The following CELF2 variants were observed in gnomAD, a reference collection of about 807,000 sequenced individuals.
CELF2 encodes the protein CUGBP Elav-like family member 2.
A neutral mutation model predicts 62.6 loss-of-function variants in CELF2; 8 were observed. The observed-to-expected ratio is 0.13, with a 90% CI of 0.07 to 0.23. The LOEUF is 0.23. Among genes scored for constraint, CELF2 ranks in the 10% least tolerant of loss-of-function variants. The pLI is 1.00. For missense variants in CELF2, 333 were observed against 671.0 expected, an observed-to-expected ratio of 0.50 and a Z score of 5.56; for synonymous variants, 258 against 250.0, an observed-to-expected ratio of 1.03 and a Z score of -0.30.
chr10:10,841,109 G>C (rs1050110496), intron 1 of CELF2, among the ~76,000 whole-genome samples: 1 of 152,068 alleles, frequency 6.6e-6, no homozygotes. Flanking sequence ...ATTTGGGTTG[G>C]TTCCAAGTCT....
At chr10:11,070,995 ATTT>A (rs1564612771) in intron 1 of CELF2, among the ~76,000 whole-genome samples, 1 of 152,208 alleles carries the variant, frequency 6.6e-6, no homozygotes, top group African/African-American at 2.4e-5. Flanking sequence ...ATAGATGACT[ATTT>A]TGAGAAATTT....
rs533000746 is a variant in CELF2 at position 11,008,393 on chromosome 10, T to C, written c.53+2953T>C. 1.3e-5 allele frequency among the ~76,000 whole-genome samples: 2 copies of C among 152,352 alleles called. No individual in the cohort carries two copies. Among genetic ancestry groups the C allele is most frequent in the Non-Finnish European group, 1.5e-5 (1 of 68,030 alleles). ...CCCTGTGTATGAATATTCCTTGATT[T>C]GTTAAAATGAAACCAGACAGTTTTG... On this transcript the variant is annotated intron_variant, in intron 1 of 12. Transcript: ENST00000416382. This position sits in a 1 kb window ranked among gnomAD's most constrained non-coding sequence, Gnocchi z 4.5.
chr10:10,746,475 T>C, the CELF2 span, among the ~76,000 whole-genome samples: 1 of 152,228 alleles, frequency 6.6e-6, no homozygotes, highest in Admixed American at 6.5e-5. Context: ...AGCCATTTTA[T>C]ATAGAGTTTG....
chr10:10,799,822 T>C (rs190147208), intron 1 of CELF2, among the ~76,000 whole-genome samples: 1 of 152,304 alleles, frequency 6.6e-6, no homozygotes, highest in African/African-American at 2.4e-5. Context: ...TGACTGTAAA[T>C]GGTATTTCCT....
At chr10:10,935,757 T>C (rs1022282762) in intron 2 of CELF2, among the ~76,000 whole-genome samples, 2 of 152,248 alleles carry the variant, frequency 1.3e-5, no homozygotes, top group African/African-American at 4.8e-5. Context: ...CCAGTGGTTC[T>C]GCAAATATTT....
At chr10:11,281,726 G>A (rs1258184176) in intron 8 of CELF2, among the ~76,000 whole-genome samples, 3 of 152,262 alleles carry the variant, frequency 2.0e-5, no homozygotes, top group South Asian at 2.1e-4. Flanking sequence ...GCCCGGTGAC[G>A]GAGCAAGACC....
intron 1 of CELF2, among the ~76,000 whole-genome samples, chr10:11,031,684 A>T (rs1265390328): frequency 6.6e-6 from 1 of 152,282 alleles, no homozygotes; most frequent in Admixed American, 6.5e-5. Context: ...AACATTATCT[A>T]TAATTACATT....
rs2076337905 is a variant in CELF2, at chr10:11,191,784, T to G, written c.272-25641T>G. 6.6e-6 allele frequency among the ~76,000 whole-genome samples: 1 copy of G among 152,104 alleles called. No individual in the cohort carries two copies. Among genetic ancestry groups the G allele is most frequent in the Admixed American group, 6.5e-5 (1 of 15,272 alleles). Reference sequence around the variant, plus strand: ...TTTAGATTTCTGAACAAAACGATGATCCAAAATCTGAGTGTGGAGAAACGG... The same window carrying G: ...TTTAGATTTCTGAACAAAACGATGAGCCAAAATCTGAGTGTGGAGAAACGG... On this transcript the variant is annotated intron_variant, in intron 2 of 12. Transcript: ENST00000633077. This position sits in a 1 kb window ranked among gnomAD's most constrained non-coding sequence, Gnocchi z 4.1.
At chr10:11,322,689 A>G (rs1257820058) in intron 11 of CELF2, among the ~76,000 whole-genome samples, 1 of 152,150 alleles carries the variant, frequency 6.6e-6, no homozygotes, top group East Asian at 1.9e-4. Flanking sequence ...TGTATAAATA[A>G]CATGGATATC....
chr10:11,130,934 T>C (rs1564866054), intron 1 of CELF2, among the ~76,000 whole-genome samples: 1 of 152,218 alleles, frequency 6.6e-6, no homozygotes, highest in Non-Finnish European at 1.5e-5. Flanking sequence ...CCCCTGAAAG[T>C]AGATTTTAGT....
At chr10:10,914,214 T>A (rs980554850) in intron 1 of CELF2, among the ~76,000 whole-genome samples, 13 of 152,220 alleles carry the variant, frequency 8.5e-5, no homozygotes, top group African/African-American at 3.1e-4. Flanking sequence ...TTAAAAATAT[T>A]TATCTTGCTG....
chr10:11,233,546 A>G (rs2069722192), intron 3 of CELF2, among the ~76,000 whole-genome samples: 1 of 152,214 alleles, frequency 6.6e-6, no homozygotes, highest in Non-Finnish European at 1.5e-5. Context: ...CTGCTATTGA[A>G]CAGATCCATT....
chr10:11,002,232 C>G (rs1310835178), upstream of CELF2, among the ~76,000 whole-genome samples: 1 of 152,156 alleles, frequency 6.6e-6, no homozygotes, highest in African/African-American at 2.4e-5. This position sits in a 1 kb window ranked among gnomAD's most constrained non-coding sequence, Gnocchi z 4.4. Flanking sequence ...CAACAGATCT[C>G]ATAAGACTTA....
intron 1 of CELF2, among the ~76,000 whole-genome samples, chr10:11,089,853 A>G (rs1595000314): frequency 1.3e-5 from 2 of 152,342 alleles, no homozygotes; most frequent in Admixed American, 1.3e-4. Context: ...AAAAAAAAGC[A>G]TGAAATCATA....
chr10:10,703,368 C>T, the CELF2 span, among the ~76,000 whole-genome samples: 2 of 152,162 alleles, frequency 1.3e-5, no homozygotes, highest in Non-Finnish European at 2.9e-5. Context: ...GATTCCAGGG[C>T]ACAGGTTTCT....
chr10:11,007,156 A>G (rs1285320359), intron 1 of CELF2, among the ~76,000 whole-genome samples: 2 of 152,222 alleles, frequency 1.3e-5, no homozygotes, highest in Non-Finnish European at 2.9e-5. Flanking sequence ...ACATTTATAG[A>G]GAGAGTTTAA....
At chr10:10,486,972 C>A in the CELF2 span, among the ~76,000 whole-genome samples, 53 of 152,272 alleles carry the variant, frequency 3.5e-4, no homozygotes, top group African/African-American at 1.3e-3. Context: ...TCTCTTCATT[C>A]CCCTAGTATA....
intron 1 of CELF2, among the ~76,000 whole-genome samples, chr10:11,155,481 T>TG (rs1202929096): frequency 6.6e-6 from 1 of 152,118 alleles, no homozygotes; most frequent in African/African-American, 2.4e-5. Context: ...TGAGAGATCT[T>TG]GGAGGAGTGG....
chr10:10,873,269 A>G (rs531777433), intron 1 of CELF2, among the ~76,000 whole-genome samples: 3 of 152,280 alleles, frequency 2.0e-5, no homozygotes, highest in South Asian at 4.2e-4. Flanking sequence ...AGCAAAATCA[A>G]TGTTTTTTAA....
Sources: gnomAD v4.1 joint callset for allele counts (sites outside exome capture counted in the v4.1 genomes callset) on GRCh38, gnomAD v4.1.1 for gene constraint, Gnocchi (gnomAD v3.1) non-coding constraint, MANE v1.5 for transcripts, NCBI Gene and HGNC (gene_info 2026-07-23, HGNC 2026-07-21) for gene names.